The following CSMD1 variants were observed in gnomAD, a reference collection of about 807,000 sequenced individuals.
CSMD1 encodes the protein CUB and Sushi multiple domains 1, also known as CUB and sushi domain-containing protein 1.
In CSMD1, 213 loss-of-function variants were observed where a neutral mutation model predicts 417.5. The ratio of observed to expected loss-of-function variants is 0.51; its 90% CI spans 0.46 to 0.57. The LOEUF (loss-of-function observed/expected upper bound fraction) is 0.57, where lower values mean the gene tolerates loss of function less well. CSMD1 is among the 20% of genes least tolerant of loss of function. The pLI is 0.00. For synonymous variants in CSMD1, 2,862 were observed against 1,736.8 expected (o/e 1.65, Z -16.11); for missense variants, 6,923 against 4,529.7 (o/e 1.53, Z -15.17).
chr8:3,747,358 G>C (rs1311147861), intron 6 of CSMD1, among the ~76,000 whole-genome samples: 2 of 149,600 alleles, frequency 1.3e-5, no homozygotes, highest in East Asian at 3.9e-4. Context: ...CTTTGGAAGA[G>C]ATTGTTCTGA....
chr8:4,724,637 A>G (rs1357716886), intron 1 of CSMD1, among the ~76,000 whole-genome samples: 1 of 152,032 alleles, frequency 6.6e-6, no homozygotes, highest in Non-Finnish European at 1.5e-5. Flanking sequence ...GAAAAAATAA[A>G]TGTAAGTTTC....
At chr8:4,169,369 A>G (rs769810807) in intron 3 of CSMD1, among the ~76,000 whole-genome samples, 1 of 151,980 alleles carries the variant, frequency 6.6e-6, no homozygotes, top group Non-Finnish European at 1.5e-5. Context: ...TGCGTTTTCC[A>G]CTTCCTCAGG....
chr8:3,894,901 G>C (rs1382419481), intron 5 of CSMD1, among the ~76,000 whole-genome samples: 1 of 152,108 alleles, frequency 6.6e-6, no homozygotes, highest in African/African-American at 2.4e-5. Context: ...AAATTACAGT[G>C]GGTTCCTAGT....
At chr8:3,389,988 T>A (rs1357730092) in intron 17 of CSMD1, among the ~76,000 whole-genome samples, 1 of 152,178 alleles carries the variant, frequency 6.6e-6, no homozygotes, top group African/African-American at 2.4e-5. Flanking sequence ...ATTATGATAC[T>A]ACATTCGATT....
intron 3 of CSMD1, among the ~76,000 whole-genome samples, chr8:4,117,673 C>G (rs1004562864): frequency 1.6e-4 from 24 of 152,166 alleles, no homozygotes; most frequent in African/African-American, 4.1e-4. Context: ...AATAGACAGA[C>G]TGTATACCTG....
intron 37 of CSMD1, among the ~76,000 whole-genome samples, chr8:3,176,659 A>C (rs1820953827): frequency 6.6e-6 from 1 of 152,110 alleles, no homozygotes; most frequent in Non-Finnish European, 1.5e-5. Context: ...CATCCCTCCC[A>C]CTTTAACAAC....
intron 3 of CSMD1, among the ~76,000 whole-genome samples, chr8:4,222,144 C>A (rs563871267): frequency 1.4e-4 from 22 of 151,986 alleles, no homozygotes; most frequent in African/African-American, 5.3e-4. Context: ...AGAACCTTCA[C>A]AGAGCCTTAC....
At position 3,824,324 on chromosome 8, in the gene CSMD1, G is replaced by A. The variant is rs188217690; in HGVS notation, c.819-70282C>T. Reference sequence around the variant, plus strand: ...ACGGGCACAACAGCCTAGGAATACTGAGAGGTTGCCAGATACTATGTGCAA... The same window carrying A: ...ACGGGCACAACAGCCTAGGAATACTAAGAGGTTGCCAGATACTATGTGCAA... On this transcript the variant is annotated intron_variant, in intron 5 of 69. Coordinates refer to ENST00000635120, the MANE Select transcript of CSMD1 (RefSeq NM_033225.6). 1.9e-4 allele frequency among the ~76,000 whole-genome samples: 29 copies of A among 152,146 alleles called. No homozygotes were observed. The East Asian group carries it at 5.2e-3, about 27-fold the overall frequency.
intron 12 of CSMD1, among the ~76,000 whole-genome samples, chr8:3,424,152 A>C (rs907300562): frequency 6.6e-6 from 1 of 152,226 alleles, no homozygotes; most frequent in Non-Finnish European, 1.5e-5. Flanking sequence ...CTAAGAGCAT[A>C]ATGAAATATA....
rs140750418 is a variant in CSMD1 at position 4,630,073 on chromosome 8, C to T, written c.302+7269G>A. On this transcript the variant is annotated intron_variant, in intron 2 of 69. Coordinates refer to ENST00000635120, the MANE Select transcript of CSMD1 (RefSeq NM_033225.6). ...AGCCAAGATATGGAAGTGAACCATC[C>T]GTTTTTAGCTACCGCAAAACACACC... is the stretch of plus-strand genomic sequence containing the variant. Among the ~76,000 whole-genome samples the T allele has an allele frequency of 2.2e-3, 330 of 152,192 alleles. 3 individuals are homozygous for T. Among genetic ancestry groups the T allele is most frequent in the African/African-American group, 7.4e-3 (308 of 41,496 alleles).
At chr8:3,468,146 T>C (rs1816885422) in intron 12 of CSMD1, among the ~76,000 whole-genome samples, 1 of 152,132 alleles carries the variant, frequency 6.6e-6, no homozygotes, top group Non-Finnish European at 1.5e-5. Flanking sequence ...GTAATCAATA[T>C]CCACAGGACA....
chr8:3,213,028 C>T lies in CSMD1; in HGVS notation c.4867+1469G>A, dbSNP rs986229280. Among the ~76,000 whole-genome samples the T allele has an allele frequency of 3.3e-5, 5 of 151,700 alleles. No homozygotes were observed. In the South Asian group the frequency reaches 6.3e-4, roughly 19 times the overall value. ...TATTTTTAGTAGAAAGGGGGTTTCT[C>T]CATGTTAGCCATGGTCTCGAACTCC... On this transcript the variant is annotated intron_variant, in intron 30 of 69. Coordinates refer to ENST00000635120, the MANE Select transcript of CSMD1 (RefSeq NM_033225.6).
chr8:3,470,247 A>G (rs950093331), intron 11 of CSMD1, among the ~76,000 whole-genome samples: 4 of 152,142 alleles, frequency 2.6e-5, no homozygotes, highest in Non-Finnish European at 5.9e-5. Flanking sequence ...AAATGTATTC[A>G]TGTTATTGTT....
chr8:3,291,021 G>C (rs1478776993), intron 25 of CSMD1, among the ~76,000 whole-genome samples: 1 of 152,108 alleles, frequency 6.6e-6, no homozygotes, highest in African/African-American at 2.4e-5. Context: ...TTTTTTGAGA[G>C]TTTTTAGCAT....
chr8:3,763,001 C>T (rs777792882), intron 5 of CSMD1, among the ~76,000 whole-genome samples: 26 of 152,232 alleles, frequency 1.7e-4, no homozygotes, highest in Middle Eastern at 3.4e-3. Context: ...AGTCTTGAAC[C>T]GGACACTTGG....
At chr8:4,352,035 A>T (rs1472457045) in intron 3 of CSMD1, among the ~76,000 whole-genome samples, 2 of 150,436 alleles carry the variant, frequency 1.3e-5, no homozygotes, top group Admixed American at 6.7e-5. Context: ...GTTTAAGTTC[A>T]TTGTGTCCCA....
chr8:4,312,433 A>T (rs993858895), intron 3 of CSMD1, among the ~76,000 whole-genome samples: 1 of 139,844 alleles, frequency 7.2e-6, no homozygotes, highest in Non-Finnish European at 1.5e-5. Context: ...GCGTATATAT[A>T]TATGCGTATA....
chr8:4,281,018 G>GT (rs1392248844), intron 3 of CSMD1, among the ~76,000 whole-genome samples: 1 of 152,098 alleles, frequency 6.6e-6, no homozygotes, highest in Non-Finnish European at 1.5e-5. Flanking sequence ...AATTAAGTGA[G>GT]TTTTAAAATT....
intron 7 of CSMD1, among the ~76,000 whole-genome samples, chr8:3,654,031 G>T (rs1314324998): frequency 6.6e-6 from 1 of 152,050 alleles, no homozygotes; most frequent in African/African-American, 2.4e-5. Flanking sequence ...CTGCTTGGAG[G>T]GGCCAACTGT....
Sources: gnomAD v4.1 joint callset for allele counts (sites outside exome capture counted in the v4.1 genomes callset) on GRCh38, gnomAD v4.1.1 for gene constraint, MANE v1.5 for transcripts, NCBI Gene and HGNC (gene_info 2026-07-23, HGNC 2026-07-21) for gene names.